IL15: variants seen among roughly 807,000 people sequenced by gnomAD.
IL15 encodes the protein interleukin-15.
Under a neutral mutation model 19.6 loss-of-function variants are expected in IL15, and 11 were observed. The ratio of observed to expected loss-of-function variants is 0.56; its 90% CI spans 0.35 to 0.93. IL15 has a LOEUF of 0.93. Ranked by LOEUF, IL15 falls within the 40% of genes least tolerant of loss-of-function variation. The pLI is 0.01. For synonymous variants in IL15, 58 were observed against 59.6 expected, an observed-to-expected ratio of 0.97 and a Z score of 0.12; for missense variants, 197 against 186.5, an observed-to-expected ratio of 1.06 and a Z score of -0.33.
chr4:141,731,401 A>G (rs540969171), intron 7 of IL15, among the ~76,000 whole-genome samples: 3 of 152,334 alleles, frequency 2.0e-5, no homozygotes, highest in African/African-American at 7.2e-5. Flanking sequence ...TGTCTCATAT[A>G]TATTAAATAC....
intron 2 of IL15, among the ~76,000 whole-genome samples, chr4:141,663,727 G>A (rs1727870787): frequency 6.6e-6 from 1 of 152,176 alleles, no homozygotes; most frequent in South Asian, 2.1e-4. Context: ...AAAGGTCGGG[G>A]AAGTTGAGAG....
At chr4:141,657,514 ATAT>A (rs1727649913) in intron 2 of IL15, among the ~76,000 whole-genome samples, 1 of 152,224 alleles carries the variant, frequency 6.6e-6, no homozygotes, top group South Asian at 2.1e-4. Flanking sequence ...AAGCACAAAC[ATAT>A]TATACAGCTG....
chr4:141,648,054 A>G (rs557300905), intron 1 of IL15, among the ~76,000 whole-genome samples: 5 of 152,120 alleles, frequency 3.3e-5, no homozygotes, highest in South Asian at 2.1e-4. Context: ...CTTGTTGTCA[A>G]TGATCCAACA....
chr4:141,670,428 G>A (rs1484330962), intron 2 of IL15, among the ~76,000 whole-genome samples: 1 of 152,234 alleles, frequency 6.6e-6, no homozygotes, highest in East Asian at 1.9e-4. Flanking sequence ...AAAACAATAT[G>A]AGTTCCTTAC....
intron 2 of IL15, among the ~76,000 whole-genome samples, chr4:141,698,094 T>C (rs1183199749): frequency 6.6e-6 from 1 of 152,184 alleles, no homozygotes; most frequent in Non-Finnish European, 1.5e-5. Context: ...ATTGAGATGA[T>C]CATATGGTTT....
intron 1 of IL15, among the ~76,000 whole-genome samples, chr4:141,653,568 A>G (rs968114324): frequency 6.6e-6 from 1 of 152,200 alleles, no homozygotes; most frequent in Non-Finnish European, 1.5e-5. Context: ...GAAAACAAAT[A>G]CACACTGTCG....
intron 2 of IL15, chr4:141,688,790 T>G (rs1728793513): frequency 6.6e-6 from 1 of 151,858 alleles, no homozygotes. Flanking sequence ...CTGAGTTAAC[T>G]TTCCCTCAGA....
chr4:141,707,930 T>C (rs1313759751), intron 2 of IL15, among the ~76,000 whole-genome samples: 1 of 152,136 alleles, frequency 6.6e-6, no homozygotes, highest in East Asian at 1.9e-4. Flanking sequence ...GCCACCAAAC[T>C]AGATGAGCAC....
intron 1 of IL15, among the ~76,000 whole-genome samples, chr4:141,653,677 T>C (rs1374658536): frequency 6.6e-6 from 1 of 152,218 alleles, no homozygotes; most frequent in Non-Finnish European, 1.5e-5. Flanking sequence ...TGTATAATAT[T>C]ACATTGCATG....
intron 2 of IL15, among the ~76,000 whole-genome samples, chr4:141,668,106 A>T (rs747562611): frequency 9.8e-5 from 15 of 152,288 alleles, no homozygotes; most frequent in Admixed American, 2.6e-4. Flanking sequence ...TACAGTTGTG[A>T]TTAAATCACT....
chr4:141,721,434 A>G, intron 4 of IL15: 1 of 622,078 alleles, frequency 1.6e-6, no homozygotes. Context: ...GCATAGTAAG[A>G]GTGTGAGCAA....
intron 4 of IL15, 155 bp downstream of exon 4, chr4:141,720,721 A>G (rs1049435684): frequency 4.6e-6 from 3 of 647,050 alleles, no homozygotes; most frequent in East Asian, 5.6e-5. Flanking sequence ...AGATTTAGAG[A>G]GGTTTGGTAA....
chr4:141,664,954 T>C lies in IL15; in HGVS notation c.-100+8647T>C, dbSNP rs1454739811. Among the ~76,000 whole-genome samples the C allele has an allele frequency of 2.6e-5, 4 of 151,020 alleles. No individual in the cohort carries two copies. In the East Asian group the frequency reaches 8.6e-4, roughly 33 times the overall value. ...TCACCTCTTTTGATTACTGTGTAAG[T>C]TGAGTTCTTTAAAGTGTTCATGTGC... On this transcript the variant is annotated intron_variant, in intron 2 of 7. Coordinates refer to ENST00000320650, the MANE Select transcript of IL15 (RefSeq NM_000585.5).
chr4:141,651,597 T>C (rs1727408079), intron 1 of IL15, among the ~76,000 whole-genome samples: 1 of 152,146 alleles, frequency 6.6e-6, no homozygotes, highest in African/African-American at 2.4e-5. Flanking sequence ...AAATGAATGT[T>C]GTGGTCCCAC....
intron 2 of IL15, among the ~76,000 whole-genome samples, chr4:141,674,938 CT>C (rs1728290941): frequency 2.4e-5 from 3 of 126,386 alleles, no homozygotes; most frequent in Non-Finnish European, 5.4e-5. Flanking sequence ...GGGTGTTCTA[CT>C]TGGGGTCTCT....
chr4:141,674,751 A>G (rs1211232352), intron 2 of IL15, among the ~76,000 whole-genome samples: 1 of 152,170 alleles, frequency 6.6e-6, no homozygotes, highest in Non-Finnish European at 1.5e-5. Flanking sequence ...CCTCCTAAAA[A>G]TTGTTGATTA....
intron 1 of IL15, among the ~76,000 whole-genome samples, chr4:141,654,875 G>T (rs1727537689): frequency 6.6e-6 from 1 of 152,060 alleles, no homozygotes; most frequent in Non-Finnish European, 1.5e-5. Context: ...AAGCTAGCTT[G>T]CTATCTTCCT....
chr4:141,727,974 G>A lies in IL15; in HGVS notation c.230G>A (p.Ser77Asn), dbSNP rs148183667. 9.3e-4 allele frequency: 1,255 copies of A among 1,353,228 alleles called. 3 individuals carry two copies. Among genetic ancestry groups the A allele is most frequent in the Middle Eastern group, 1.2e-3 (6 of 4,946 alleles). 83.8% of individuals were successfully genotyped at this position (1,353,228 alleles called of 1,614,324 possible). Residue 77 changes from serine (S) to asparagine (N), a missense_variant, in exon 6 of 8, where the codon AGT (serine) becomes AAT (asparagine). Coordinates refer to ENST00000320650, the MANE Select transcript of IL15 (RefSeq NM_000585.5). ...ATTGATGCTACTTTATATACGGAAA[G>A]TGATGTTCACGTGAGTATACTTTTT... ...MHIDATLYTE[S>N]DVHPSCKVTA...
rs1730021934 is a variant in IL15, at chr4:141,720,077, G to C, written c.13-392G>C. ...TAATATAACTATTGCATCTCTGTTA[G>C]TAATGCATGTTATTAACCTGTGCTG... On this transcript the variant is annotated intron_variant, in intron 3 of 7. Transcript: ENST00000320650. Among the ~76,000 whole-genome samples, 2 of 152,052 alleles carry C rather than the reference G, an allele frequency of 1.3e-5. 1 individual carries two copies. The highest frequency in any genetic ancestry group is 4.2e-4 in the South Asian group (2 of 4,814).
Sources: gnomAD v4.1 joint callset for allele counts (sites outside exome capture counted in the v4.1 genomes callset) on GRCh38, gnomAD v4.1.1 for gene constraint, MANE v1.5 for transcripts, NCBI Gene and HGNC (gene_info 2026-07-23, HGNC 2026-07-21) for gene names.